The following SHOC2 variants were observed in gnomAD, a reference collection of about 807,000 sequenced individuals.
SHOC2 encodes the protein leucine-rich repeat protein SHOC-2.
SHOC2 carries 4 observed loss-of-function variants against 50.2 expected under a neutral mutation model. The ratio of observed to expected loss-of-function variants is 0.08; its 90% CI spans 0.04 to 0.18. The LOEUF (loss-of-function observed/expected upper bound fraction) is 0.18, where lower values mean the gene tolerates loss of function less well. Ranked by LOEUF, SHOC2 falls within the 10% of genes least tolerant of loss-of-function variation. The pLI is 1.00. For synonymous variants in SHOC2, 218 were observed against 244.5 expected (o/e 0.89, Z 1.01); for missense variants, 388 against 669.6 (o/e 0.58, Z 4.64).
chr10:110,992,345 A>G (rs1357371638), intron 3 of SHOC2, among the ~76,000 whole-genome samples: 2 of 152,222 alleles, frequency 1.3e-5, no homozygotes, highest in African/African-American at 2.4e-5. Flanking sequence ...GAATAAAAAA[A>G]GTATTATTTT....
At chr10:110,919,944 C>T (rs1846583872) in intron 1 of SHOC2, 2 of 192,926 alleles carry the variant, frequency 1.0e-5, no homozygotes, top group East Asian at 2.3e-4. Context: ...GTGACAGCGG[C>T]CGGGGCCGGG....
intron 1 of SHOC2, among the ~76,000 whole-genome samples, chr10:110,949,551 T>C (rs1487452745): frequency 6.6e-6 from 1 of 152,030 alleles, no homozygotes; most frequent in Non-Finnish European, 1.5e-5. Flanking sequence ...TCCAAAACCT[T>C]AGAGGAGGGA....
chr10:110,945,295 T>A (rs1847225822), intron 1 of SHOC2, among the ~76,000 whole-genome samples: 1 of 152,174 alleles, frequency 6.6e-6, no homozygotes, highest in Non-Finnish European at 1.5e-5. Flanking sequence ...AGCAATAATT[T>A]GGGGAGAATG....
intron 1 of SHOC2, among the ~76,000 whole-genome samples, chr10:110,924,729 T>C (rs1846722213): frequency 6.6e-6 from 1 of 152,192 alleles, no homozygotes; most frequent in Non-Finnish European, 1.5e-5. Context: ...TATATCAGTG[T>C]AACGTGGGGA....
chr10:110,957,645 C>G (rs775939595), intron 1 of SHOC2, among the ~76,000 whole-genome samples: 2 of 151,014 alleles, frequency 1.3e-5, no homozygotes, highest in East Asian at 2.0e-4. Flanking sequence ...TTTCTCCTTA[C>G]CAGCCCAAAC....
Position 110,973,302 on chromosome 10 carries a change from G to A in SHOC2, c.703+8241G>A, listed in dbSNP as rs201175221. 6.6e-5 allele frequency among the ~76,000 whole-genome samples: 10 copies of A among 152,094 alleles called. No homozygotes were observed. In the East Asian group the frequency reaches 1.9e-3, roughly 29 times the overall value. ...ATTTTAGAATATAAGAATCCTAAAT[G>A]TGAGTCAAATAAGAGTAAAGGAAAG... On this transcript the variant is annotated intron_variant, in intron 2 of 8. Coordinates refer to ENST00000369452, the MANE Select transcript of SHOC2 (RefSeq NM_007373.4).
chr10:110,985,802 T>C, intron 3 of SHOC2, 37 bp downstream of exon 3: 2 of 1,556,810 alleles, frequency 1.3e-6, no homozygotes, highest in Non-Finnish European at 1.8e-6. Flanking sequence ...TAGCTGTTAA[T>C]AGCTAACTGG....
chr10:110,966,432 G>A (rs916029441), intron 2 of SHOC2, among the ~76,000 whole-genome samples: 1 of 152,008 alleles, frequency 6.6e-6, no homozygotes, highest in African/African-American at 2.4e-5. Context: ...GGCTCATTGT[G>A]GAATAGAATT....
At chr10:110,985,593 A>G (rs748420212) in intron 2 of SHOC2, 35 bp from the exon 3 acceptor site, 2 of 1,512,812 alleles carry the variant, frequency 1.3e-6, no homozygotes, top group Non-Finnish European at 1.8e-6. Context: ...TTCTTTAATA[A>G]TGCTTATTGA....
At chr10:110,929,702 T>C (rs1846851929) in intron 1 of SHOC2, among the ~76,000 whole-genome samples, 1 of 152,184 alleles carries the variant, frequency 6.6e-6, no homozygotes, top group South Asian at 2.1e-4. Flanking sequence ...ACAAGGGCAT[T>C]AATCCCATTA....
intron 3 of SHOC2, among the ~76,000 whole-genome samples, chr10:110,989,912 A>T (rs1212011416): frequency 1.3e-5 from 2 of 152,196 alleles, no homozygotes; most frequent in Non-Finnish European, 2.9e-5. Context: ...TATGTCACAC[A>T]GTGACATATT....
intron 4 of SHOC2, 51 bp from the exon 5 acceptor site, chr10:111,004,555 A>C: frequency 2.2e-6 from 3 of 1,354,742 alleles, no homozygotes; most frequent in Non-Finnish European, 3.2e-6. Flanking sequence ...TCTATAAAAA[A>C]TGAGTCTCAT....
Position 111,000,479 on chromosome 10 carries a change from A to T in SHOC2, c.906A>T (p.Ser302=). ...RYNRLSAIPR[S]LAKCSALEEL... is the part of the protein sequence containing the mutation. ...ACAGACTGTCAGCAATACCCAGATCATTAGCAAAATGCAGTGCACTTGAAG... is the reference window on the plus strand; with the variant it reads ...ACAGACTGTCAGCAATACCCAGATCTTTAGCAAAATGCAGTGCACTTGAAG... The change falls in exon 4 of 9, where the codon TCA becomes TCT. Residue 302 remains serine (S), a synonymous_variant. Coordinates refer to ENST00000369452, the MANE Select transcript of SHOC2 (RefSeq NM_007373.4). 1 of 1,612,528 alleles carries T rather than the reference A, an allele frequency of 6.2e-7. No homozygotes were observed. The highest frequency in any genetic ancestry group is 1.1e-5 in the South Asian group (1 of 91,054).
At chr10:110,947,023 C>G (rs1847258651) in intron 1 of SHOC2, among the ~76,000 whole-genome samples, 1 of 152,138 alleles carries the variant, frequency 6.6e-6, no homozygotes, top group African/African-American at 2.4e-5. Context: ...ATTGTAGCAC[C>G]CGGGTGTAGC....
At chr10:110,929,171 C>T (rs1846838266) in intron 1 of SHOC2, among the ~76,000 whole-genome samples, 1 of 152,092 alleles carries the variant, frequency 6.6e-6, no homozygotes, top group African/African-American at 2.4e-5. Flanking sequence ...AATTGATAAT[C>T]TATAAATAGT....
rs60418133 is a variant in SHOC2, at chr10:110,967,129, A to G, written c.703+2068A>G. ...ATACTATACATTGTTCTGTCCGTGT[A>G]TACTTTAATTATACTATCTTATATC... On this transcript the variant is annotated intron_variant, in intron 2 of 8. Coordinates refer to ENST00000369452, the MANE Select transcript of SHOC2 (RefSeq NM_007373.4). Among the ~76,000 whole-genome samples the G allele has an allele frequency of 1.1e-3, 170 of 152,310 alleles. 2 individuals are homozygous for G. The highest frequency in any genetic ancestry group is 3.8e-3 in the African/African-American group (157 of 41,574).
At position 110,940,910 on chromosome 10, in the gene SHOC2, GTTTTTTTTTT is replaced by G. The variant is rs539552844; in HGVS notation, c.-235+21282_-235+21291del. On this transcript the variant is annotated intron_variant, in intron 1 of 8. Transcript: ENST00000369452. ...GACAAAATAGTGGTATTTGTGGTGGGTTTTTTTTTTTTTTTTTTTTTTTTTTTTTTTTTTT... is the reference window on the plus strand; with the variant it reads ...GACAAAATAGTGGTATTTGTGGTGGGTTTTTTTTTTTTTTTTTTTTTTTTT... 1.3e-4 allele frequency among the ~76,000 whole-genome samples: 16 copies of G among 119,472 alleles called. 1 individual carries two copies. Among genetic ancestry groups the G allele is most frequent in the Middle Eastern group, 4.4e-3 (1 of 226 alleles). 78.4% of individuals were successfully genotyped at this position (119,472 alleles called of 152,430 possible). A position where few individuals can be genotyped will look rare whatever the true frequency, so the allele number is the denominator to read the frequency against.
intron 1 of SHOC2, among the ~76,000 whole-genome samples, chr10:110,953,275 G>A (rs937154572): frequency 6.6e-6 from 1 of 152,124 alleles, no homozygotes; most frequent in Non-Finnish European, 1.5e-5. Flanking sequence ...GGCGTGAGAT[G>A]GTGTCTCATT....
intron 1 of SHOC2, among the ~76,000 whole-genome samples, chr10:110,943,147 T>A (rs1251682231): frequency 6.6e-6 from 1 of 152,196 alleles, no homozygotes; most frequent in Non-Finnish European, 1.5e-5. Context: ...TGAGATGTTT[T>A]CAACCATTAT....
Sources: allele counts gnomAD v4.1 joint callset (sites outside exome capture counted in the v4.1 genomes callset), GRCh38; gene constraint gnomAD v4.1.1; transcripts MANE v1.5; gene names NCBI Gene and HGNC (gene_info 2026-07-23, HGNC 2026-07-21).